CTSH: variants seen among roughly 807,000 people sequenced by gnomAD.
The protein encoded by CTSH is pro-cathepsin H.
A neutral mutation model predicts 56.3 loss-of-function variants in CTSH; 52 were observed. That is an observed-to-expected ratio of 0.92 (90% CI 0.74 to 1.16). The LOEUF (loss-of-function observed/expected upper bound fraction) is 1.16. Ranked by LOEUF, CTSH falls within the 50% of genes most tolerant of loss-of-function variation. CTSH has a pLI of 0.00. For synonymous variants in CTSH, 174 were observed against 155.7 expected, an observed-to-expected ratio of 1.12 and a Z score of -0.88; for missense variants, 406 against 424.5, an observed-to-expected ratio of 0.96 and a Z score of 0.38.
rs1301081106 is a variant in CTSH at position 78,925,339 on chromosome 15, G to A, written c.801C>T (p.Tyr267=). The change falls in exon 10 of 12, where the codon TAC becomes TAT. Residue 267 remains tyrosine, a synonymous_variant. Coordinates refer to ENST00000220166, the MANE Select transcript of CTSH (RefSeq NM_004390.5). The part of the protein sequence containing the change: ...QDFMMYRTGI[Y]SSTSCHKTPD... ...CTCCTGGGACCCTGACTCACCTGGA[G>A]TAGATGCCGGTTCTATACATCATGA... 2 of 1,606,438 alleles carry A rather than the reference G, an allele frequency of 1.2e-6. No homozygotes were observed. Among genetic ancestry groups the A allele is most frequent in the East Asian group, 2.2e-5 (1 of 44,824 alleles).
intron 10 of CTSH, 64 bp downstream of exon 10, chr15:78,925,270 G>A (rs1461716210): frequency 9.9e-7 from 1 of 1,014,974 alleles, no homozygotes; most frequent in African/African-American, 1.6e-5. Context: ...CCACGAGTGG[G>A]GTGTGAGGAG....
At position 78,923,086 on chromosome 15, in the gene CTSH, T is replaced by C; in HGVS notation, c.839A>G (p.Asn280Ser). The change falls in exon 11 of 12, where the codon AAC becomes AGC. Residue 280 changes from asparagine (N) to serine (S), a missense_variant. Asn to Ser is a conservative substitution (Grantham distance 46). Transcript: ENST00000220166. ...ATACCCAACAGCCAGTACTGCATGG[T>C]TTACTTTATCTGGAGTTTTATGGCA... ...TSCHKTPDKV[N>S]HAVLAVGYGE... is the part of the protein sequence containing the mutation. 1 of 1,612,680 alleles carries C rather than the reference T, an allele frequency of 6.2e-7. No homozygotes were observed. The highest frequency in any genetic ancestry group is 1.1e-5 in the South Asian group (1 of 90,666).
intron 3 of CTSH, among the ~76,000 whole-genome samples, chr15:78,936,209 G>C (rs1261788299): frequency 7.7e-6 from 1 of 129,082 alleles, no homozygotes; most frequent in Non-Finnish European, 1.6e-5. Context: ...TTGAGACAGA[G>C]TCTCGCTCTG....
At chr15:78,940,552 A>T (rs1057356104) in intron 1 of CTSH, among the ~76,000 whole-genome samples, 2 of 148,004 alleles carry the variant, frequency 1.4e-5, no homozygotes, top group Admixed American at 6.8e-5. Context: ...AAAAAAAAAA[A>T]ATCTCTAAAA....
chr15:78,932,158 A>T (rs2055075095), intron 6 of CTSH: 2 of 1,003,068 alleles, frequency 2.0e-6, no homozygotes, highest in Non-Finnish European at 2.8e-6. Context: ...CCATCTAGGA[A>T]TGAGCCCTTG....
chr15:78,938,212 T>C (rs1209135028), intron 2 of CTSH, among the ~76,000 whole-genome samples: 1 of 152,024 alleles, frequency 6.6e-6, no homozygotes, highest in Non-Finnish European at 1.5e-5. Context: ...CTACTAAAAA[T>C]ACAAAAATTA....
chr15:78,924,488 A>G (rs2054857798), intron 10 of CTSH, among the ~76,000 whole-genome samples: 1 of 152,064 alleles, frequency 6.6e-6, no homozygotes, highest in Admixed American at 6.5e-5. Context: ...AGTGACGTTA[A>G]CGGGCAGCAA....
chr15:78,944,853 CTGCT>C (rs2055363707), intron 1 of CTSH, 34 bp downstream of exon 1: 1 of 1,539,610 alleles, frequency 6.5e-7, no homozygotes, highest in African/African-American at 1.4e-5. Context: ...ACTCTAGGGC[CTGCT>C]AGCACCCTCT....
rs66819363 is a variant in CTSH at position 78,936,180 on chromosome 15, CTTTTTTT to C, written c.230-437_230-431del. Among the ~76,000 whole-genome samples, 604 of 90,878 alleles carry C rather than the reference CTTTTTTT, an allele frequency of 6.6e-3. 2 individuals are homozygous for C. The highest frequency in any genetic ancestry group is 0.028 in the Middle Eastern group (5 of 176). The allele number at this position is 90,878 out of a possible 152,430, so 59.6% of individuals were successfully genotyped here. On this transcript the variant is annotated intron_variant, in intron 3 of 11. Coordinates refer to ENST00000220166, the MANE Select transcript of CTSH (RefSeq NM_004390.5). Reference sequence around the variant, plus strand: ...TCATTTCTGCTTTTTCTTTTCTTTTCTTTTTTTTTTTTTTTTTTTTGAGACAGAGTCT... The same window carrying C: ...TCATTTCTGCTTTTTCTTTTCTTTTCTTTTTTTTTTTTTGAGACAGAGTCT...
At chr15:78,922,430 C>G (rs1343292035) in intron 11 of CTSH, among the ~76,000 whole-genome samples, 1 of 152,182 alleles carries the variant, frequency 6.6e-6, no homozygotes, top group Admixed American at 6.5e-5. Flanking sequence ...ATCCATATCC[C>G]ACTTCTCCCG....
intron 1 of CTSH, among the ~76,000 whole-genome samples, chr15:78,943,353 T>G (rs1342827940): frequency 3.3e-5 from 5 of 152,128 alleles, no homozygotes; most frequent in Non-Finnish European, 7.4e-5. Context: ...CCCAGCCTCC[T>G]GAGTACCTGG....
chr15:78,922,872 T>C (rs1023600694), intron 11 of CTSH, 121 bp downstream of exon 11: 8 of 1,259,976 alleles, frequency 6.3e-6, no homozygotes, highest in South Asian at 3.1e-5. Context: ...TGGCCTGGCC[T>C]AGGGCTTGGC....
intron 1 of CTSH, among the ~76,000 whole-genome samples, chr15:78,941,574 C>T (rs972963962): frequency 2.6e-5 from 4 of 151,862 alleles, no homozygotes; most frequent in African/African-American, 9.7e-5. Flanking sequence ...GGGCGGATCA[C>T]GAGTTCAGAA....
At chr15:78,938,022 T>C (rs936040840) in intron 2 of CTSH, among the ~76,000 whole-genome samples, 1 of 152,202 alleles carries the variant, frequency 6.6e-6, no homozygotes, top group Non-Finnish European at 1.5e-5. Context: ...AAATAATGAT[T>C]GCTTACTACA....
intron 5 of CTSH, among the ~76,000 whole-genome samples, chr15:78,932,771 TTGG>T (rs1346740796): frequency 6.6e-6 from 1 of 152,170 alleles, no homozygotes; most frequent in Non-Finnish European, 1.5e-5. Context: ...TCACCACCTC[TTGG>T]TGGCCAATCC....
At chr15:78,928,698 C>T (rs1423152915) in intron 8 of CTSH, among the ~76,000 whole-genome samples, 2 of 151,774 alleles carry the variant, frequency 1.3e-5, no homozygotes, top group Non-Finnish European at 2.9e-5. Context: ...GGGGTCTGAG[C>T]TGGGTTTGAG....
At position 78,923,006 on chromosome 15, in the gene CTSH, A is replaced by G; in HGVS notation, c.919T>C (p.Trp307Arg). The part of the protein sequence containing the change: ...WIVKNSWGPQ[W>R]GMNGYFLIER... ...GGAGCTGCTTACCCGTTCATTCCCC[A>G]CTGGGGACCCCAAGAGTTTTTCACG... Residue 307 changes from tryptophan to arginine, a missense_variant, in exon 11 of 12, where the codon TGG becomes CGG. Transcript: ENST00000220166. 1 of 1,611,314 alleles carries G rather than the reference A, an allele frequency of 6.2e-7. No homozygotes were observed. The highest frequency in any genetic ancestry group is 8.5e-7 in the Non-Finnish European group (1 of 1,179,150).
At position 78,921,528 on chromosome 15, in the gene CTSH, C is replaced by CCGCAGCTTGGCCCGTTTTT. The variant is rs2054768977; in HGVS notation, c.*583_*601dup. 6.5e-6 allele frequency: 1 copy of CCGCAGCTTGGCCCGTTTTT among 152,728 alleles called. No homozygotes were observed. Among genetic ancestry groups the CCGCAGCTTGGCCCGTTTTT allele is most frequent in the Non-Finnish European group, 1.5e-5 (1 of 68,502 alleles). The allele number at this position is 152,728 out of a possible 1,614,324, so 9.5% of individuals were successfully genotyped here. ...ATTGTGGGTTTGAATCCTGCCTCTG[C>CCGCAGCTTGGCCCGTTTTT]CGCAGCTTGGCCCGTTTTTCTCCTT... is the stretch of plus-strand genomic sequence containing the variant. On this transcript the variant is annotated 3_prime_UTR_variant, in exon 12 of 12. Transcript: ENST00000220166.
intron 6 of CTSH, chr15:78,932,123 C>T: frequency 8.1e-7 from 1 of 1,228,602 alleles, no homozygotes; most frequent in Non-Finnish European, 1.1e-6. Context: ...AGGCTCCAGG[C>T]TGTCAAGCTA....
Sources: allele counts gnomAD v4.1 joint callset (sites outside exome capture counted in the v4.1 genomes callset), GRCh38; gene constraint gnomAD v4.1.1; transcripts MANE v1.5; gene names NCBI Gene and HGNC (gene_info 2026-07-23, HGNC 2026-07-21).